The following FMNL2 variants were observed in gnomAD, a reference collection of about 807,000 sequenced individuals.
FMNL2 encodes the protein formin like 2.
Under a neutral mutation model 130.2 loss-of-function variants are expected in FMNL2, and 51 were observed. That is an observed-to-expected ratio of 0.39 (90% CI 0.31 to 0.49). FMNL2 has a LOEUF of 0.49. Ranked by LOEUF, FMNL2 falls within the 20% of genes least tolerant of loss-of-function variation. The pLI, the probability that FMNL2 is intolerant of heterozygous loss-of-function variation, is 0.85. For missense variants in FMNL2, 977 were observed against 1,316.2 expected (o/e 0.74, Z 3.99); for synonymous variants, 465 against 467.1 (o/e 1.00, Z 0.06).
At chr2:152,615,911 C>T (rs1176407080) in intron 12 of FMNL2, among the ~76,000 whole-genome samples, 1 of 152,172 alleles carries the variant, frequency 6.6e-6, no homozygotes, top group African/African-American at 2.4e-5. Flanking sequence ...AAATGGGTCT[C>T]TTCATGGCTG....
intron 1 of FMNL2, among the ~76,000 whole-genome samples, chr2:152,397,389 A>G (rs58475655): frequency 0.012 from 51 of 4,190 alleles, no homozygotes; most frequent in East Asian, 0.17. Context: ...AGTTAGGGGG[A>G]AAAAAAAAAA....
At chr2:152,617,318 C>A in intron 13 of FMNL2, 126 bp downstream of exon 13, 1 of 830,522 alleles carries the variant, frequency 1.2e-6, no homozygotes. Context: ...TATTGGAAAC[C>A]TTTGAGAGGT....
At chr2:152,460,183 T>G (rs946714044) in intron 1 of FMNL2, among the ~76,000 whole-genome samples, 1 of 152,184 alleles carries the variant, frequency 6.6e-6, no homozygotes, top group African/African-American at 2.4e-5. Flanking sequence ...CATTTGGTGG[T>G]CTGATGATAC....
chr2:152,390,230 C>A, intron 1 of FMNL2: 1 of 1,455,822 alleles, frequency 6.9e-7, no homozygotes. Context: ...AAGGGAAGGA[C>A]ATGGTGGTGG....
chr2:152,501,313 A>C (rs1691820043), intron 1 of FMNL2, among the ~76,000 whole-genome samples: 1 of 152,234 alleles, frequency 6.6e-6, no homozygotes, highest in African/African-American at 2.4e-5. Flanking sequence ...ACTCGGGGAT[A>C]GGGTTAGCTT....
intron 1 of FMNL2, among the ~76,000 whole-genome samples, chr2:152,476,477 T>A (rs1336750805): frequency 6.6e-6 from 1 of 152,068 alleles, no homozygotes; most frequent in African/African-American, 2.4e-5. Context: ...GTGAGACCAG[T>A]CTAGGCTTCA....
At chr2:152,439,093 G>GTT (rs1687923268) in intron 1 of FMNL2, among the ~76,000 whole-genome samples, 1 of 151,814 alleles carries the variant, frequency 6.6e-6, no homozygotes, top group South Asian at 2.1e-4. Flanking sequence ...GTGTGTGTGT[G>GTT]TGTGTGTGTG....
chr2:152,462,975 T>C (rs1359374348), intron 1 of FMNL2, among the ~76,000 whole-genome samples: 1 of 152,202 alleles, frequency 6.6e-6, no homozygotes, highest in Non-Finnish European at 1.5e-5. Context: ...CAATTGGATG[T>C]TTGTAGTCCA....
At chr2:152,373,166 G>T (rs1212137446) in intron 1 of FMNL2, among the ~76,000 whole-genome samples, 1 of 152,174 alleles carries the variant, frequency 6.6e-6, no homozygotes, top group East Asian at 1.9e-4. Context: ...CTAAAAATTG[G>T]TTACTGTTCT....
chr2:152,339,054 C>A (rs1375663338), intron 1 of FMNL2, among the ~76,000 whole-genome samples: 1 of 152,180 alleles, frequency 6.6e-6, no homozygotes, highest in Admixed American at 6.5e-5. Context: ...TCTGTAATAG[C>A]CATGTGGCCC....
intron 1 of FMNL2, among the ~76,000 whole-genome samples, chr2:152,369,280 T>A (rs1482344725): frequency 2.0e-5 from 3 of 152,250 alleles, no homozygotes; most frequent in African/African-American, 7.2e-5. Context: ...CTATCACATT[T>A]ACACAAGGTT....
chr2:152,462,618 A>G (rs1000792336), intron 1 of FMNL2, among the ~76,000 whole-genome samples: 1 of 152,334 alleles, frequency 6.6e-6, no homozygotes, highest in East Asian at 1.9e-4. Flanking sequence ...ACAAATAAAG[A>G]AGGAACCACA....
intron 9 of FMNL2, among the ~76,000 whole-genome samples, chr2:152,589,999 A>ATGTATATGTATATGTATGTATATG (rs58850746): frequency 0.014 from 1,570 of 115,586 alleles, 75 homozygotes; most frequent in Middle Eastern, 0.024. Flanking sequence ...ATGTATATGT[A>ATGTATATGTATATGTATGTATATG]TATATATATA....
At chr2:152,468,956 A>G (rs1350852337) in intron 1 of FMNL2, among the ~76,000 whole-genome samples, 1 of 152,278 alleles carries the variant, frequency 6.6e-6, no homozygotes, top group East Asian at 1.9e-4. Flanking sequence ...GATGCATAAT[A>G]GACTCCACAT....
intron 1 of FMNL2, among the ~76,000 whole-genome samples, chr2:152,516,305 C>T (rs989295107): frequency 1.3e-5 from 2 of 152,112 alleles, no homozygotes; most frequent in African/African-American, 4.8e-5. Context: ...ATGTTTTCTA[C>T]CATAACTGAA....
rs1301506999 is a variant in FMNL2 at position 152,636,506 on chromosome 2, T to C, written c.2760T>C (p.His920=). 3 of 1,608,548 alleles carry C rather than the reference T, an allele frequency of 1.9e-6. No individual in the cohort carries two copies. The Admixed American group carries it at 5.1e-5, about 27-fold the overall frequency. ...TGACCAAGAGAGAGTACACCATGCA[T>C]GACCATAACACGCTGCTGAAGGAGT... ...MDLTKREYTM[H]DHNTLLKEFI... is the part of the protein sequence containing the mutation. Residue 920 remains histidine (H), a synonymous_variant, in exon 22 of 26, where the codon CAT becomes CAC. Coordinates refer to ENST00000288670, the MANE Select transcript of FMNL2 (RefSeq NM_052905.4).
chr2:152,389,999 A>G, intron 1 of FMNL2: 3 of 1,534,342 alleles, frequency 2.0e-6, no homozygotes, highest in African/African-American at 1.4e-5. Context: ...GGCTGCAGCT[A>G]GAGATTGACC....
At chr2:152,502,464 A>G (rs1691899320) in intron 1 of FMNL2, among the ~76,000 whole-genome samples, 1 of 152,206 alleles carries the variant, frequency 6.6e-6, no homozygotes, top group South Asian at 2.1e-4. Context: ...AGGTGGGTGG[A>G]TCACCTGAGG....
chr2:152,569,357 T>A (rs1285466473), intron 6 of FMNL2, among the ~76,000 whole-genome samples: 1 of 152,110 alleles, frequency 6.6e-6, no homozygotes, highest in Non-Finnish European at 1.5e-5. Flanking sequence ...TGGAGCTCAC[T>A]AACAAAAATA....
Sources: gnomAD v4.1 joint callset for allele counts (sites outside exome capture counted in the v4.1 genomes callset) on GRCh38, gnomAD v4.1.1 for gene constraint, MANE v1.5 for transcripts, NCBI Gene and HGNC (gene_info 2026-07-23, HGNC 2026-07-21) for gene names.